Variants in KIF6 observed in about 807,000 individuals in gnomAD.
KIF6 encodes kinesin family member 6.
Under a neutral mutation model 112.7 loss-of-function variants are expected in KIF6, and 106 were observed. The ratio of observed to expected loss-of-function variants is 0.94; its 90% confidence interval spans 0.80 to 1.11. The LOEUF is 1.11. KIF6 is among the 50% of genes least tolerant of loss of function. The pLI is 0.00. For missense variants in KIF6, 929 were observed against 964.0 expected (o/e 0.96, Z 0.48); for synonymous variants, 339 against 339.9 (o/e 1.00, Z 0.03).
In KIF6 at chr6:39,720,685, G is replaced by T; in HGVS notation, c.176+17C>A. 7.8e-7 allele frequency: 1 copy of T among 1,278,432 alleles called. No homozygotes were observed. The highest frequency in any genetic ancestry group is 1.1e-6 in the Non-Finnish European group (1 of 875,608). 79.2% of individuals were successfully genotyped at this position (1,278,432 alleles called of 1,614,324 possible). ...AATAATGAAACAGAAATGAAAAAAGGAGAAAGAAAAACTTACTTAAATTTG... is the reference window on the plus strand; with the variant it reads ...AATAATGAAACAGAAATGAAAAAAGTAGAAAGAAAAACTTACTTAAATTTG... On this transcript the variant is annotated intron_variant, in intron 2 of 22. Coordinates refer to ENST00000287152, the MANE Select transcript of KIF6 (RefSeq NM_145027.6).
chr6:39,623,094 C>T (rs1280449521), intron 5 of KIF6, among the ~76,000 whole-genome samples: 5 of 152,134 alleles, frequency 3.3e-5, no homozygotes, highest in Admixed American at 3.3e-4. Context: ...CTTCCCTCTA[C>T]CTACATTAAA....
chr6:39,400,536 G>A (rs958380810), intron 15 of KIF6, among the ~76,000 whole-genome samples: 1 of 152,226 alleles, frequency 6.6e-6, no homozygotes, highest in African/African-American at 2.4e-5. Flanking sequence ...GGAGGCCAGA[G>A]AGGTGGCCAA....
intron 17 of KIF6, among the ~76,000 whole-genome samples, chr6:39,361,620 G>A (rs539636023): frequency 4.6e-5 from 7 of 151,358 alleles, no homozygotes; most frequent in Middle Eastern, 6.8e-3. Flanking sequence ...AATGAACAGA[G>A]CGAGGGAGAA....
intron 13 of KIF6, among the ~76,000 whole-genome samples, chr6:39,517,285 C>T (rs941290093): frequency 1.1e-4 from 16 of 152,286 alleles, no homozygotes; most frequent in African/African-American, 3.6e-4. Flanking sequence ...CCCCAGCTCC[C>T]ACCATAAGGT....
At position 39,340,526 on chromosome 6, in the gene KIF6, A is replaced by G. The variant is rs1763269704; in HGVS notation, c.2428+3183T>C. 2.0e-5 allele frequency among the ~76,000 whole-genome samples: 3 copies of G among 152,200 alleles called. No individual in the cohort carries two copies. The East Asian group carries it at 5.8e-4, about 29-fold the overall frequency. ...TGTGTAACCTTGGGCAAGTGATACAACCTCTGTGTGCCTCAGTTTCCTTTC... is the reference window on the plus strand; with the variant it reads ...TGTGTAACCTTGGGCAAGTGATACAGCCTCTGTGTGCCTCAGTTTCCTTTC... On this transcript the variant is annotated intron_variant, in intron 22 of 22. Transcript: ENST00000287152.
At chr6:39,384,424 C>T (rs1001099687) in intron 16 of KIF6, among the ~76,000 whole-genome samples, 2 of 152,180 alleles carry the variant, frequency 1.3e-5, no homozygotes, top group African/African-American at 4.8e-5. Context: ...CGCAGAATCT[C>T]AATGCTAAGT....
At position 39,330,740 on chromosome 6, in the gene KIF6, G is replaced by A. The variant is rs1762709055; in HGVS notation, c.*5792C>T. 6.6e-6 allele frequency: 1 copy of A among 152,230 alleles called. No homozygotes were observed. The highest frequency in any genetic ancestry group is 1.5e-5 in the Non-Finnish European group (1 of 68,036). 9.4% of individuals were successfully genotyped at this position (152,230 alleles called of 1,614,324 possible). A position where few individuals can be genotyped will look rare whatever the true frequency, so the allele number is the denominator to read the frequency against. The stretch of plus-strand genomic sequence containing the variant: ...AAATAAAGCAGTTAACTCTGAAAAG[G>A]TTGCTGCTTCCTCCTATTCCTTGGG... On this transcript the variant is annotated 3_prime_UTR_variant, in exon 23 of 23. Transcript: ENST00000287152.
intron 13 of KIF6, among the ~76,000 whole-genome samples, chr6:39,515,204 A>G (rs1453628673): frequency 6.6e-6 from 1 of 152,222 alleles, no homozygotes; most frequent in Non-Finnish European, 1.5e-5. Context: ...TCAGACAGAA[A>G]GGCTTTTTCA....
intron 22 of KIF6, among the ~76,000 whole-genome samples, chr6:39,338,868 A>G (rs143887651): frequency 2.2e-5 from 3 of 133,620 alleles, no homozygotes; most frequent in African/African-American, 8.5e-5. Flanking sequence ...TGCCGGTGGT[A>G]GGGAGCATGG....
chr6:39,462,375 T>G (rs895041545), intron 13 of KIF6, among the ~76,000 whole-genome samples: 1 of 152,152 alleles, frequency 6.6e-6, no homozygotes, highest in African/African-American at 2.4e-5. Flanking sequence ...GCAAAGTTAG[T>G]ACACTAAGAA....
chr6:39,694,582 CA>C lies in KIF6; in HGVS notation c.251+20109del, dbSNP rs200840016. Among the ~76,000 whole-genome samples the C allele has an allele frequency of 8.8e-3, 1,334 of 151,820 alleles. 14 individuals are homozygous for C. The highest frequency in any genetic ancestry group is 0.012 in the Non-Finnish European group (800 of 67,894). On this transcript the variant is annotated intron_variant, in intron 3 of 22. Transcript: ENST00000287152. ...TCCCATTTATAATAGCCACACACAC[CA>C]AAAAAATACCTAGCACTAGATTTAG... is the stretch of plus-strand genomic sequence containing the variant.
intron 3 of KIF6, among the ~76,000 whole-genome samples, chr6:39,654,069 T>C (rs919500568): frequency 6.6e-6 from 1 of 152,182 alleles, no homozygotes; most frequent in African/African-American, 2.4e-5. Context: ...ATTAACAAGC[T>C]ACTCTTTACA....
chr6:39,340,223 T>G (rs1763250268), intron 22 of KIF6, among the ~76,000 whole-genome samples: 1 of 152,242 alleles, frequency 6.6e-6, no homozygotes, highest in Non-Finnish European at 1.5e-5. Flanking sequence ...AGAATGAATA[T>G]TCTTCCTTTC....
intron 13 of KIF6, among the ~76,000 whole-genome samples, chr6:39,535,023 G>T (rs1718434156): frequency 6.6e-6 from 1 of 152,196 alleles, no homozygotes; most frequent in Non-Finnish European, 1.5e-5. Flanking sequence ...GAGAGATTTT[G>T]TCACCGCCAG....
intron 13 of KIF6, among the ~76,000 whole-genome samples, chr6:39,444,800 G>C (rs1482907549): frequency 6.6e-6 from 1 of 150,810 alleles, no homozygotes; most frequent in Non-Finnish European, 1.5e-5. Flanking sequence ...ACTGATATCA[G>C]ACCTAAGGGT....
At chr6:39,487,486 G>A (rs978612017) in intron 13 of KIF6, among the ~76,000 whole-genome samples, 10 of 152,326 alleles carry the variant, frequency 6.6e-5, no homozygotes, top group Admixed American at 5.2e-4. Context: ...GCTGTGGAGA[G>A]GACTGAGGCC....
At chr6:39,538,472 A>G (rs1475429702) in intron 13 of KIF6, among the ~76,000 whole-genome samples, 1 of 152,010 alleles carries the variant, frequency 6.6e-6, no homozygotes, top group Non-Finnish European at 1.5e-5. Flanking sequence ...AAAAATGCCC[A>G]TCATCACTGG....
chr6:39,697,330 AG>A (rs1788602125), intron 3 of KIF6, among the ~76,000 whole-genome samples: 1 of 152,150 alleles, frequency 6.6e-6, no homozygotes, highest in Non-Finnish European at 1.5e-5. Context: ...GCTAGTAGAA[AG>A]GACAATGTCC....
intron 15 of KIF6, among the ~76,000 whole-genome samples, chr6:39,418,015 C>G (rs189670220): frequency 1.3e-5 from 2 of 151,836 alleles, no homozygotes; most frequent in African/African-American, 4.8e-5. Flanking sequence ...TCCTTCTCCC[C>G]TTCAAGCCAA....
Sources: allele counts gnomAD v4.1 joint callset (sites outside exome capture counted in the v4.1 genomes callset), GRCh38; gene constraint gnomAD v4.1.1; transcripts MANE v1.5; gene names NCBI Gene and HGNC (gene_info 2026-07-23, HGNC 2026-07-21).